Variants in LINS1 observed in about 807,000 individuals in gnomAD.
LINS1 encodes the protein protein Lines homolog 1.
In LINS1, 27 loss-of-function variants were observed where a neutral mutation model predicts 41.6. That is an observed-to-expected ratio of 0.65 (90% CI 0.48 to 0.89). LINS1 has a LOEUF of 0.89. Ranked by LOEUF, LINS1 falls within the 40% of genes least tolerant of loss-of-function variation. The pLI is 0.00. For synonymous variants in LINS1, 336 were observed against 312.9 expected (o/e 1.07, Z -0.78); for missense variants, 955 against 884.1 (o/e 1.08, Z -1.02).
Position 100,580,524 on chromosome 15 carries a change from T to C in LINS1, c.319A>G (p.Lys107Glu). Reference protein sequence around the residue: ...KVMTTRILSVKTEFHAKEQYR... With the variant: ...KVMTTRILSVETEFHAKEQYR... ...TGCTCCTTTGCATGGAACTCGGTTT[T>C]GACAGACAATATCCGGGTTGTCATC... Residue 107 changes from lysine (K) to glutamate (E), a missense_variant, in exon 2 of 7, where the codon AAA becomes GAA. Physicochemically the swap from Lys to Glu is moderately conservative, Grantham distance 56 (BLOSUM62 1). Transcript: ENST00000314742. 1 of 1,614,094 alleles carries C rather than the reference T, an allele frequency of 6.2e-7. No homozygotes were observed. The highest frequency in any genetic ancestry group is 1.1e-5 in the South Asian group (1 of 91,084).
chr15:100,574,036 T>C lies in LINS1; in HGVS notation c.837A>G (p.Lys279=), dbSNP rs779317698. 26 of 1,613,866 alleles carry C rather than the reference T, an allele frequency of 1.6e-5. No homozygotes were observed. The highest frequency in any genetic ancestry group is 2.1e-5 in the Non-Finnish European group (25 of 1,179,866). ...HFTCQRILFL[K]PSCMLEVITW... ...TAATAACTTCTAGCATGCAAGATGG[T>C]TTCAAAAATAAAATCCTCTGGCAAG... The change falls in exon 5 of 7, where the codon AAA becomes AAG. Residue 279 remains lysine, a synonymous_variant. Coordinates refer to ENST00000314742, the MANE Select transcript of LINS1 (RefSeq NM_001040616.3).
rs564169141 is a variant in LINS1 at position 100,572,373 on chromosome 15, A to G, written c.1223-308T>C. 1.8e-4 allele frequency: 211 copies of G among 1,182,194 alleles called. 1 individual carries two copies. In the African/African-American group the frequency reaches 3.1e-3, roughly 18 times the overall value. 73.2% of individuals were successfully genotyped at this position (1,182,194 alleles called of 1,614,324 possible). ...TTATGTGATTTCTTGCTAAAAGCAGATAAATAAATGAGCAGACAACTAAGA... is the reference window on the plus strand; with the variant it reads ...TTATGTGATTTCTTGCTAAAAGCAGGTAAATAAATGAGCAGACAACTAAGA... On this transcript the variant is annotated intron_variant, in intron 5 of 6. Transcript: ENST00000314742.
intron 3 of LINS1, among the ~76,000 whole-genome samples, chr15:100,577,243 G>C (rs1019425837): frequency 6.6e-6 from 1 of 152,206 alleles, no homozygotes; most frequent in South Asian, 2.1e-4. Flanking sequence ...AATTGTCCCT[G>C]TTTGCAGATG....
chr15:100,587,145 G>A (rs1032004621), intron 1 of LINS1, among the ~76,000 whole-genome samples: 1 of 121,878 alleles, frequency 8.2e-6, no homozygotes, highest in Non-Finnish European at 1.6e-5. Flanking sequence ...GCAATAGAGG[G>A]AGACTCTGTC....
chr15:100,585,385 G>A (rs1393149484), intron 1 of LINS1, among the ~76,000 whole-genome samples: 1 of 152,214 alleles, frequency 6.6e-6, no homozygotes, highest in Non-Finnish European at 1.5e-5. Flanking sequence ...GAATGGGAAA[G>A]TGGGATGGTG....
intron 1 of LINS1, among the ~76,000 whole-genome samples, chr15:100,585,205 T>G (rs2038746874): frequency 6.6e-6 from 1 of 152,218 alleles, no homozygotes; most frequent in African/African-American, 2.4e-5. Flanking sequence ...ACTCTAAGAT[T>G]GGACTCCAAA....
intron 1 of LINS1, among the ~76,000 whole-genome samples, chr15:100,585,533 G>A (rs2038763084): frequency 6.6e-6 from 1 of 152,134 alleles, no homozygotes; most frequent in Non-Finnish European, 1.5e-5. Context: ...AAACTGCCGT[G>A]GAAAATGTTT....
chr15:100,601,966 G>A (rs2039520059), intron 1 of LINS1, among the ~76,000 whole-genome samples, 155 bp downstream of exon 1: 1 of 152,190 alleles, frequency 6.6e-6, no homozygotes, highest in Non-Finnish European at 1.5e-5. Context: ...ACTTGCGTCT[G>A]ACAAGCGCTG....
intron 5 of LINS1, chr15:100,573,248 G>A: frequency 1.4e-5 from 6 of 424,734 alleles, no homozygotes; most frequent in Admixed American, 5.7e-5. Flanking sequence ...GGGACAGGAG[G>A]AATAGCATGG....
At chr15:100,593,845 C>T (rs78815544) in intron 1 of LINS1, among the ~76,000 whole-genome samples, 1,628 of 152,218 alleles carry the variant, frequency 0.011, 27 homozygotes, top group African/African-American at 0.033. Flanking sequence ...TCACATGCTA[C>T]GCGAGATCTA....
rs772714613 is a variant in LINS1, at chr15:100,580,757, A to C, written c.86T>G (p.Ile29Ser). The C allele has an allele frequency of 3.1e-6, 5 of 1,610,034 alleles. No homozygotes were observed. In the South Asian group the frequency reaches 5.5e-5, roughly 18 times the overall value. ...TGAAACTGCTGGGTTGAGATAAAAG[A>C]TGTAATCATGGCTGTCATTTTCAAG... is the stretch of plus-strand genomic sequence containing the variant. ...ATLENDSHDYIFYLNPAVSDQ... is the reference protein window; with the variant it reads ...ATLENDSHDYSFYLNPAVSDQ... The change falls in exon 2 of 7, where the codon ATC becomes AGC. Residue 29 changes from isoleucine (I) to serine (S), a missense_variant. Physicochemically the swap from Ile to Ser is moderately radical, Grantham distance 142 (BLOSUM62 -2). Coordinates refer to ENST00000314742, the MANE Select transcript of LINS1 (RefSeq NM_001040616.3).
chr15:100,590,357 T>C (rs1308798662), intron 1 of LINS1, among the ~76,000 whole-genome samples: 1 of 152,208 alleles, frequency 6.6e-6, no homozygotes, highest in Non-Finnish European at 1.5e-5. Flanking sequence ...GAAGGTCCAA[T>C]GCAGGTGAGA....
intron 1 of LINS1, 85 bp downstream of exon 1, chr15:100,602,036 A>C (rs1204726766): frequency 6.6e-6 from 1 of 152,180 alleles, no homozygotes; most frequent in African/African-American, 2.4e-5. Flanking sequence ...CCGCCCTCCC[A>C]ACCTTAAGCC....
rs1246683299 is a variant in LINS1, at chr15:100,574,030, A to C, written c.843T>G (p.Ser281=). 1.9e-6 allele frequency: 3 copies of C among 1,614,064 alleles called. No individual in the cohort carries two copies. In the East Asian group the frequency reaches 6.7e-5, roughly 36 times the overall value. The change falls in exon 5 of 7, where the codon TCT becomes TCG. Residue 281 remains serine (S), a synonymous_variant. Coordinates refer to ENST00000314742, the MANE Select transcript of LINS1 (RefSeq NM_001040616.3). ...GCCAGGTAATAACTTCTAGCATGCAAGATGGTTTCAAAAATAAAATCCTCT... is the reference window on the plus strand; with the variant it reads ...GCCAGGTAATAACTTCTAGCATGCACGATGGTTTCAAAAATAAAATCCTCT... ...TCQRILFLKP[S]CMLEVITWPI... is the part of the protein sequence containing the mutation.
At chr15:100,570,934 CA>C (rs1243104450) in intron 6 of LINS1, among the ~76,000 whole-genome samples, 1 of 152,328 alleles carries the variant, frequency 6.6e-6, no homozygotes, top group Non-Finnish European at 1.5e-5. Context: ...AATTCACACA[CA>C]AAGTCAGTTT....
chr15:100,570,873 T>C (rs1348562759), intron 6 of LINS1, among the ~76,000 whole-genome samples: 1 of 152,154 alleles, frequency 6.6e-6, no homozygotes, highest in Non-Finnish European at 1.5e-5. Context: ...ACTATCTATG[T>C]TGTAAGCACA....
rs2037733291 is a variant in LINS1 at position 100,570,012 on chromosome 15, T to C, written c.1500A>G (p.Lys500=). The change falls in exon 7 of 7, where the codon AAA becomes AAG. Residue 500 remains lysine (K), a synonymous_variant. Transcript: ENST00000314742. ...GAACTGTGGAATCAAATCCTATATT[T>C]TTCAAGAAGAACAAGAAAATACAGT... ...NPHCIFLFFL[K]NIGFDSTVLL... The C allele has an allele frequency of 6.4e-7, 1 of 1,554,354 alleles. No homozygotes were observed. The highest frequency in any genetic ancestry group is 8.7e-7 in the Non-Finnish European group (1 of 1,154,962).
At position 100,570,119 on chromosome 15, in the gene LINS1, T is replaced by G; in HGVS notation, c.1395-2A>C. The G allele has an allele frequency of 1.3e-6, 2 of 1,584,532 alleles. No individual in the cohort carries two copies. Among genetic ancestry groups the G allele is most frequent in the Non-Finnish European group, 1.7e-6 (2 of 1,172,758 alleles). On this transcript the variant is annotated splice_acceptor_variant, in intron 6 of 6. Transcript: ENST00000314742. LOFTEE classifies it high-confidence loss of function. ...AAGCTTTCAGTGGCTTCACATCCTCTGAAAATGAAGATAATGGAGAATGCA... is the reference window on the plus strand; with the variant it reads ...AAGCTTTCAGTGGCTTCACATCCTCGGAAAATGAAGATAATGGAGAATGCA...
chr15:100,572,279 C>T (rs1256356561), intron 5 of LINS1: 4 of 1,358,632 alleles, frequency 2.9e-6, no homozygotes, highest in Non-Finnish European at 3.8e-6. Context: ...CCAGAGCATA[C>T]ATTTAAAATG....
Sources: gnomAD v4.1 joint callset for allele counts (sites outside exome capture counted in the v4.1 genomes callset) on GRCh38, gnomAD v4.1.1 for gene constraint, MANE v1.5 for transcripts, NCBI Gene and HGNC (gene_info 2026-07-23, HGNC 2026-07-21) for gene names.